FGGY: variants seen among roughly 807,000 people sequenced by gnomAD.
FGGY encodes the protein FGGY carbohydrate kinase domain containing, also known as FGGY carbohydrate kinase domain-containing protein.
In FGGY, 72 loss-of-function variants were observed where a neutral mutation model predicts 71.3. That is an observed-to-expected ratio of 1.01 (90% CI 0.84 to 1.23). The LOEUF is 1.23. Among genes scored for constraint, FGGY ranks in the 50% most tolerant of loss-of-function variants. FGGY has a pLI of 0.00. For missense variants in FGGY, 668 were observed against 682.3 expected, an observed-to-expected ratio of 0.98 and a Z score of 0.23; for synonymous variants, 251 against 250.3, an observed-to-expected ratio of 1.00 and a Z score of -0.02.
At chr1:59,538,657 T>G (rs1208409601) in intron 7 of FGGY, among the ~76,000 whole-genome samples, 1 of 151,628 alleles carries the variant, frequency 6.6e-6, no homozygotes, top group Non-Finnish European at 1.5e-5. Flanking sequence ...TGGAATACTA[T>G]GCAGCCATAA....
At chr1:59,310,295 T>G (rs1304822251) in intron 1 of FGGY, 2 of 152,148 alleles carry the variant, frequency 1.3e-5, no homozygotes, top group African/African-American at 4.8e-5. Context: ...AGAAAATCAT[T>G]TCATAGTTAA....
chr1:59,403,483 T>C (rs1196110540), intron 5 of FGGY, among the ~76,000 whole-genome samples: 1 of 152,134 alleles, frequency 6.6e-6, no homozygotes, highest in East Asian at 1.9e-4. Flanking sequence ...TAGTCTGTAG[T>C]AGCAAAATGA....
rs777647429 is a variant in FGGY at position 59,512,402 on chromosome 1, C to T, written c.762C>T (p.Val254=). ...TTGGCCTTCTCCCTGGGATTGCGGT[C>T]GCAGCTTCACTCATTGATGCCCATG... ...RDLGLLPGIA[V]AASLIDAHAG... The change falls in exon 7 of 16, where the codon GTC becomes GTT. Residue 254 remains valine (V), a synonymous_variant. Transcript: ENST00000303721. The T allele has an allele frequency of 2.1e-5, 34 of 1,613,712 alleles. No homozygotes were observed. The highest frequency in any genetic ancestry group is 2.5e-5 in the Non-Finnish European group (29 of 1,179,844).
At position 59,344,354 on chromosome 1, in the gene FGGY, G is replaced by A. The variant is rs557542643; in HGVS notation, c.314-1893G>A. On this transcript the variant is annotated intron_variant, in intron 3 of 15. Transcript: ENST00000303721. ...AAACATTCTTTTCAAAGATGTGGAA[G>A]GGTAAAGAAAGCAACATCTTCCTAT... is the stretch of plus-strand genomic sequence containing the variant. Among the ~76,000 whole-genome samples the A allele has an allele frequency of 3.9e-3, 598 of 151,590 alleles. 5 individuals are homozygous for A. Among genetic ancestry groups the A allele is most frequent in the African/African-American group, 8.9e-3 (368 of 41,310 alleles).
chr1:59,579,407 T>C (rs2096145815), intron 8 of FGGY, among the ~76,000 whole-genome samples: 1 of 152,130 alleles, frequency 6.6e-6, no homozygotes, highest in African/African-American at 2.4e-5. Context: ...TATCCTAATA[T>C]ATTTAATCAC....
chr1:59,564,315 TAGAG>T (rs1384452824), intron 8 of FGGY, among the ~76,000 whole-genome samples: 1 of 152,136 alleles, frequency 6.6e-6, no homozygotes, highest in Non-Finnish European at 1.5e-5. Context: ...AGAAATCAGT[TAGAG>T]AGCCTCTGGC....
chr1:59,500,192 A>G (rs910314112), intron 6 of FGGY, among the ~76,000 whole-genome samples: 1 of 152,220 alleles, frequency 6.6e-6, no homozygotes, highest in African/African-American at 2.4e-5. Flanking sequence ...TTGAAAGTAG[A>G]TTTAAGGAAG....
At chr1:59,707,091 A>G (rs2097762200) in intron 14 of FGGY, among the ~76,000 whole-genome samples, 1 of 152,212 alleles carries the variant, frequency 6.6e-6, no homozygotes, top group South Asian at 2.1e-4. Flanking sequence ...CCTGGTTTCT[A>G]TGGATCAGGC....
intron 1 of FGGY, among the ~76,000 whole-genome samples, chr1:59,301,672 T>C (rs1393949119): frequency 6.6e-6 from 1 of 151,396 alleles, no homozygotes; most frequent in Admixed American, 6.6e-5. Flanking sequence ...GAAGTTGTAA[T>C]TTTGTTGTTT....
chr1:59,568,811 C>A (rs536230456), intron 8 of FGGY, among the ~76,000 whole-genome samples: 4 of 152,204 alleles, frequency 2.6e-5, no homozygotes, highest in Admixed American at 2.6e-4. Context: ...GGAAAAATGT[C>A]TACTTCAGTG....
At chr1:59,572,264 G>T (rs992065429) in intron 8 of FGGY, among the ~76,000 whole-genome samples, 1 of 152,176 alleles carries the variant, frequency 6.6e-6, no homozygotes, top group African/African-American at 2.4e-5. Flanking sequence ...TAAGCAGAGA[G>T]CCTGACGGGG....
chr1:59,702,319 A>G lies in FGGY; in HGVS notation c.1512+28186A>G, dbSNP rs111737434. ...TTACCCTGAGAAATCACTATTCCAA[A>G]TTCTGCCCATTATTTCCATGTAGGC... On this transcript the variant is annotated intron_variant, in intron 14 of 15. Coordinates refer to ENST00000303721, the MANE Select transcript of FGGY (RefSeq NM_018291.5). Among the ~76,000 whole-genome samples, 105 of 152,290 alleles carry G rather than the reference A, an allele frequency of 6.9e-4. 1 individual carries two copies. Among genetic ancestry groups the G allele is most frequent in the African/African-American group, 2.5e-3 (102 of 41,570 alleles).
intron 14 of FGGY, among the ~76,000 whole-genome samples, chr1:59,717,817 A>G (rs1034596933): frequency 2.6e-5 from 4 of 152,256 alleles, no homozygotes; most frequent in African/African-American, 9.6e-5. Context: ...CTTCCCATCA[A>G]TAGCACTTAA....
intron 4 of FGGY, among the ~76,000 whole-genome samples, chr1:59,374,717 T>C (rs1417066980): frequency 1.3e-5 from 2 of 152,028 alleles, no homozygotes; most frequent in African/African-American, 2.4e-5. Flanking sequence ...TGGAATACTA[T>C]GCAGCCATAA....
At chr1:59,586,311 C>T (rs2096285610) in intron 8 of FGGY, among the ~76,000 whole-genome samples, 1 of 152,106 alleles carries the variant, frequency 6.6e-6, no homozygotes, top group East Asian at 1.9e-4. Context: ...AAATATACAC[C>T]ATGGAATACT....
chr1:59,500,663 CAAAAAAAAA>C (rs922111998), intron 6 of FGGY, among the ~76,000 whole-genome samples: 1 of 44,774 alleles, frequency 2.2e-5, no homozygotes, highest in East Asian at 6.9e-4. Flanking sequence ...GCCTTCTTGC[CAAAAAAAAA>C]AAAAAAAAAA....
chr1:59,627,061 T>C (rs1275830576), intron 10 of FGGY, among the ~76,000 whole-genome samples: 1 of 151,724 alleles, frequency 6.6e-6, no homozygotes, highest in Non-Finnish European at 1.5e-5. Context: ...CCCGATAAAA[T>C]AGGTGATAGA....
chr1:59,513,982 G>C (rs1460885950), intron 7 of FGGY, among the ~76,000 whole-genome samples: 2 of 152,208 alleles, frequency 1.3e-5, no homozygotes, highest in Middle Eastern at 3.2e-3. Context: ...CATAATATAT[G>C]TAGGTTGGTT....
intron 2 of FGGY, among the ~76,000 whole-genome samples, chr1:59,328,857 G>C (rs2047914933): frequency 6.6e-6 from 1 of 152,008 alleles, no homozygotes; most frequent in Non-Finnish European, 1.5e-5. Context: ...GTGGAGCAGT[G>C]AGAACACACA....
Sources: allele counts gnomAD v4.1 joint callset (sites outside exome capture counted in the v4.1 genomes callset), GRCh38; gene constraint gnomAD v4.1.1; transcripts MANE v1.5; gene names NCBI Gene and HGNC (gene_info 2026-07-23, HGNC 2026-07-21).